The following CCDC66 variants were observed in gnomAD, a reference collection of about 807,000 sequenced individuals.
The protein encoded by CCDC66 is coiled-coil domain containing 66.
Under a neutral mutation model 128.3 loss-of-function variants are expected in CCDC66, and 133 were observed. The observed-to-expected ratio is 1.04, with a 90% CI of 0.90 to 1.20. The LOEUF is 1.20. Among genes scored for constraint, CCDC66 ranks in the 50% most tolerant of loss-of-function variants. The pLI, the probability that CCDC66 is intolerant of heterozygous loss-of-function variation, is 0.00. For missense variants in CCDC66, 1,126 were observed against 1,075.5 expected (o/e 1.05, Z -0.66); for synonymous variants, 387 against 357.0 (o/e 1.08, Z -0.95).
chr3:56,565,680 C>T (rs1331358124), intron 4 of CCDC66, among the ~76,000 whole-genome samples: 4 of 149,950 alleles, frequency 2.7e-5, no homozygotes, highest in South Asian at 2.1e-4. Flanking sequence ...CTCGCTGCGT[C>T]GCCCAGGCTG....
chr3:56,599,300 C>G (rs761711699), intron 10 of CCDC66, among the ~76,000 whole-genome samples: 1 of 151,878 alleles, frequency 6.6e-6, no homozygotes, highest in Admixed American at 6.6e-5. Flanking sequence ...TGGGTCTTCT[C>G]TCTTCGGTTC....
chr3:56,591,890 G>C (rs1188440349), intron 7 of CCDC66, among the ~76,000 whole-genome samples: 1 of 152,190 alleles, frequency 6.6e-6, no homozygotes, highest in Non-Finnish European at 1.5e-5. Context: ...GTAGGATTCT[G>C]TCAAACAGTT....
At position 56,586,098 on chromosome 3, in the gene CCDC66, A is replaced by G. The variant is rs1351231503; in HGVS notation, c.937-6872A>G. Reference sequence around the variant, plus strand: ...CTGGTGAAGGACAGTGGAAGGAAACAAGGAGAACCTTCTAATTCTTTATGC... The same window carrying G: ...CTGGTGAAGGACAGTGGAAGGAAACGAGGAGAACCTTCTAATTCTTTATGC... On this transcript the variant is annotated intron_variant, in intron 7 of 17. Transcript: ENST00000394672. Among the ~76,000 whole-genome samples the G allele has an allele frequency of 2.0e-5, 3 of 151,992 alleles. No individual in the cohort carries two copies. The Admixed American group carries it at 2.0e-4, about 10-fold the overall frequency.
intron 7 of CCDC66, among the ~76,000 whole-genome samples, chr3:56,590,707 C>T (rs1047183311): frequency 2.6e-5 from 4 of 151,578 alleles, no homozygotes; most frequent in African/African-American, 7.3e-5. Flanking sequence ...AGCAGTGAGC[C>T]GTGATTGTGC....
In CCDC66 at chr3:56,563,877, G is replaced by T; in HGVS notation, c.296G>T (p.Cys99Phe). The change falls in exon 4 of 18, where the codon TGT becomes TTT. Residue 99 changes from cysteine (C) to phenylalanine (F), a missense_variant. By Grantham distance (205) the Cys-to-Phe change is radical. Transcript: ENST00000394672. ...FSSTKDLCKQCIDKDCLHIQK... is the reference protein window; with the variant it reads ...FSSTKDLCKQFIDKDCLHIQK... ...TCCACTAAGGATTTATGTAAACAAT[G>T]TATAGATAAAGACTGTCTTCATATC... is the stretch of plus-strand genomic sequence containing the variant. 6.2e-7 allele frequency: 1 copy of T among 1,606,444 alleles called. No individual in the cohort carries two copies. The highest frequency in any genetic ancestry group is 8.5e-7 in the Non-Finnish European group (1 of 1,175,458).
intron 7 of CCDC66, among the ~76,000 whole-genome samples, chr3:56,580,166 G>A (rs1481792074): frequency 6.6e-6 from 1 of 151,678 alleles, no homozygotes; most frequent in Non-Finnish European, 1.5e-5. Context: ...GTATGTAATG[G>A]CCTTCTTTGT....
In CCDC66 at chr3:56,557,261, G is replaced by GGGGTAAGCCC. The variant is rs1245351265; in HGVS notation, c.11+16_11+17insCCGGGTAAGC. ...TCAGGCCATGAACTTGGGGTAAGCA[G>GGGGTAAGCCC]GGGTAAGCTGGGGTAAGCTGGGGTA... On this transcript the variant is annotated intron_variant, in intron 1 of 17. Transcript: ENST00000394672. The GGGGTAAGCCC allele has an allele frequency of 4.5e-6, 7 of 1,548,048 alleles. No homozygotes were observed. The highest frequency in any genetic ancestry group is 3.5e-6 in the Non-Finnish European group (4 of 1,146,388).
intron 10 of CCDC66, among the ~76,000 whole-genome samples, chr3:56,609,299 G>A (rs543718077): frequency 6.6e-6 from 1 of 152,132 alleles, no homozygotes; most frequent in Admixed American, 6.5e-5. Flanking sequence ...ATATGTTTAG[G>A]ATTGTGATGT....
At chr3:56,560,705 G>A (rs2064988424) in intron 3 of CCDC66, among the ~76,000 whole-genome samples, 1 of 152,156 alleles carries the variant, frequency 6.6e-6, no homozygotes, top group Non-Finnish European at 1.5e-5. Context: ...GGGGGACAGA[G>A]CGAAATTCCT....
chr3:56,613,509 G>A lies in CCDC66; in HGVS notation c.1405-80G>A, dbSNP rs79004923. ...TCTGTGGAAGAGGTGAGCACTGAAT[G>A]TATCTAGTCAGCCATCTTGAATTCC... is the stretch of plus-strand genomic sequence containing the variant. On this transcript the variant is annotated intron_variant, in intron 10 of 17. Transcript: ENST00000394672. 13,810 of 1,505,496 alleles carry A rather than the reference G, an allele frequency of 9.2e-3. 72 individuals carry two copies. The highest frequency in any genetic ancestry group is 0.01 in the Non-Finnish European group (11,495 of 1,120,880). 93.3% of individuals were successfully genotyped at this position (1,505,496 alleles called of 1,614,324 possible).
chr3:56,615,164 A>G lies in CCDC66; in HGVS notation c.1603A>G (p.Thr535Ala), dbSNP rs139701955. Residue 535 changes from threonine (T) to alanine (A), a missense_variant, in exon 12 of 18, where the codon ACA (threonine) becomes GCA (alanine). Thr to Ala is a moderately conservative substitution (Grantham distance 58). Transcript: ENST00000394672. ...MTLKTNELFQ[T>A]MQRAQELAQR... is the part of the protein sequence containing the mutation. ...TCTCAAGACAAATGAGCTATTCCAG[A>G]CAATGCAGCGAGCACAGGAACTGGC... 3.1e-5 allele frequency: 50 copies of G among 1,614,162 alleles called. No individual in the cohort carries two copies. In the African/African-American group the frequency reaches 6.3e-4, roughly 20 times the overall value.
chr3:56,620,397 C>G (rs1459395470), intron 17 of CCDC66: 1 of 153,074 alleles, frequency 6.5e-6, no homozygotes, highest in Non-Finnish European at 1.5e-5. Context: ...TCTTTTTGCT[C>G]TCTGATTAAA....
intron 10 of CCDC66, among the ~76,000 whole-genome samples, chr3:56,601,989 A>G (rs1288117460): frequency 6.6e-6 from 1 of 152,092 alleles, no homozygotes; most frequent in Non-Finnish European, 1.5e-5. Context: ...TGCCTTGGCC[A>G]GAACTTCCAA....
At chr3:56,619,950 G>A in intron 17 of CCDC66, 49 bp downstream of exon 17, 1 of 1,582,172 alleles carries the variant, frequency 6.3e-7, no homozygotes, top group Non-Finnish European at 8.6e-7. Context: ...TGTGGCGTGG[G>A]CGGTTGGGGG....
intron 7 of CCDC66, chr3:56,572,445 A>C: frequency 1.0e-5 from 12 of 1,194,986 alleles, no homozygotes; most frequent in South Asian, 2.7e-5. Context: ...CCTAAGTGTC[A>C]GTACTTTGGA....
intron 6 of CCDC66, among the ~76,000 whole-genome samples, chr3:56,568,834 G>T (rs2066240672): frequency 6.6e-6 from 1 of 152,184 alleles, no homozygotes; most frequent in Admixed American, 6.5e-5. Context: ...TTCTGTTAGA[G>T]TCTTGAAATT....
chr3:56,572,179 A>T (rs530679884), intron 7 of CCDC66, among the ~76,000 whole-genome samples: 1 of 152,332 alleles, frequency 6.6e-6, no homozygotes, highest in Admixed American at 6.5e-5. Flanking sequence ...ATGAATACAA[A>T]ACTCTGCCAC....
intron 4 of CCDC66, 181 bp downstream of exon 4, chr3:56,564,306 C>T (rs1341789716): frequency 1.1e-5 from 6 of 540,334 alleles, no homozygotes; most frequent in Admixed American, 1.0e-4. Flanking sequence ...TATAGTTGTG[C>T]CATATTTTAA....
At chr3:56,560,027 C>G (rs1280506814) in intron 3 of CCDC66, among the ~76,000 whole-genome samples, 1 of 152,166 alleles carries the variant, frequency 6.6e-6, no homozygotes, top group Non-Finnish European at 1.5e-5. Context: ...AATAGATATT[C>G]AGACTTTAAA....
Sources: gnomAD v4.1 joint callset for allele counts (sites outside exome capture counted in the v4.1 genomes callset) on GRCh38, gnomAD v4.1.1 for gene constraint, MANE v1.5 for transcripts, NCBI Gene and HGNC (gene_info 2026-07-23, HGNC 2026-07-21) for gene names.